The following CPAMD8 variants were observed in gnomAD, a reference collection of about 807,000 sequenced individuals.
CPAMD8 encodes the protein C3 and PZP-like alpha-2-macroglobulin domain-containing protein 8.
A neutral mutation model predicts 224.7 loss-of-function variants in CPAMD8; 146 were observed. That is an observed-to-expected ratio of 0.65 (90% CI 0.57 to 0.75). The LOEUF (loss-of-function observed/expected upper bound fraction) is 0.75. CPAMD8 is among the 30% of genes least tolerant of loss of function. The probability of loss-of-function intolerance (pLI) is 0.00; values close to 1 mark genes in which losing one functional copy is unlikely to be tolerated. For synonymous variants in CPAMD8, 966 were observed against 1,044.6 expected (o/e 0.92, Z 1.45); for missense variants, 2,301 against 2,537.5 (o/e 0.91, Z 2.00).
At chr19:16,905,569 G>GAAAAAAAAAA (rs397955787) in intron 30 of CPAMD8, among the ~76,000 whole-genome samples, 37 of 92,706 alleles carry the variant, frequency 4.0e-4, no homozygotes, top group African/African-American at 8.4e-4. Flanking sequence ...AGGAAGAAAA[G>GAAAAAAAAAA]AAAAAAAAAA....
chr19:17,016,079 G>A (rs1016452962), intron 3 of CPAMD8, among the ~76,000 whole-genome samples: 1 of 152,186 alleles, frequency 6.6e-6, no homozygotes, highest in Non-Finnish European at 1.5e-5. Flanking sequence ...GAGTGGCTGG[G>A]ACTACAGGTG....
intron 22 of CPAMD8, among the ~76,000 whole-genome samples, chr19:16,943,301 C>G (rs147555844): frequency 6.6e-5 from 10 of 152,304 alleles, no homozygotes; most frequent in African/African-American, 2.4e-4. Context: ...TAGGCGTGAG[C>G]CACCGTGCCC....
chr19:16,924,737 T>C (rs1190252814), intron 26 of CPAMD8, among the ~76,000 whole-genome samples: 1 of 152,060 alleles, frequency 6.6e-6, no homozygotes, highest in Admixed American at 6.6e-5. Context: ...TGTGCCACCA[T>C]GTCTGGCTAA....
At position 16,899,458 on chromosome 19, in the gene CPAMD8, A is replaced by AC; in HGVS notation, c.4848+16dup. 1.5e-6 allele frequency: 2 copies of AC among 1,343,106 alleles called. No homozygotes were observed. The highest frequency in any genetic ancestry group is 2.1e-6 in the Non-Finnish European group (2 of 933,710). The allele number at this position is 1,343,106 out of a possible 1,614,324, so 83.2% of individuals were successfully genotyped here. ...CACACCAGGGAAGCCTCCTCCACCA[A>AC]CCCCGGCTGGTGGTACCTCATCAAA... is the stretch of plus-strand genomic sequence containing the variant. On this transcript the variant is annotated intron_variant, in intron 37 of 41. Transcript: ENST00000443236. This position sits in a 1 kb window ranked among gnomAD's most constrained non-coding sequence, Gnocchi z 5.4.
chr19:16,941,293 C>G (rs1286060245), intron 22 of CPAMD8, among the ~76,000 whole-genome samples: 1 of 152,126 alleles, frequency 6.6e-6, no homozygotes, highest in African/African-American at 2.4e-5. Flanking sequence ...AAATGTCCAC[C>G]ATAGGTGAAC....
At chr19:16,914,887 C>CA in intron 27 of CPAMD8, 74 bp from the exon 28 acceptor site, 1 of 1,145,788 alleles carries the variant, frequency 8.7e-7, no homozygotes, top group African/African-American at 1.5e-5. Context: ...GGGATTGCAG[C>CA]AAGCTCCTGG....
intron 41 of CPAMD8, chr19:16,894,971 G>A (rs149005059): frequency 1.5e-3 from 222 of 145,182 alleles, no homozygotes; most frequent in African/African-American, 7.4e-3. Flanking sequence ...CTAGCTGGGC[G>A]TGGTGGTAGT....
chr19:16,989,254 C>T (rs1045689190), intron 13 of CPAMD8, among the ~76,000 whole-genome samples: 4 of 152,152 alleles, frequency 2.6e-5, no homozygotes, highest in African/African-American at 9.7e-5. Context: ...ATCCTTGGTG[C>T]CAAAAAGGCT....
intron 25 of CPAMD8, among the ~76,000 whole-genome samples, chr19:16,926,135 T>A (rs2053350156): frequency 6.6e-6 from 1 of 152,064 alleles, no homozygotes; most frequent in East Asian, 1.9e-4. Flanking sequence ...AAAGTTTCTA[T>A]ATGTATGGAG....
At chr19:16,972,386 G>A (rs2122655576) in intron 17 of CPAMD8, among the ~76,000 whole-genome samples, 1 of 152,070 alleles carries the variant, frequency 6.6e-6, no homozygotes, top group African/African-American at 2.4e-5. Context: ...GGAGCAACTG[G>A]ATTTGAAAGA....
Position 16,914,517 on chromosome 19 carries a change from G to A in CPAMD8, c.3787-19C>T, listed in dbSNP as rs368779407. ...TCCCACCCTGCAAGGGGACTCACAG[G>A]CCTCACCCTAAGCCAAAGGAGACAG... On this transcript the variant is annotated intron_variant, in intron 28 of 41. Coordinates refer to ENST00000443236, the MANE Select transcript of CPAMD8 (RefSeq NM_015692.5). 6.2e-7 allele frequency: 1 copy of A among 1,613,436 alleles called. No individual in the cohort carries two copies. Among genetic ancestry groups the A allele is most frequent in the South Asian group, 1.1e-5 (1 of 91,074 alleles).
rs564899528 is a variant in CPAMD8, at chr19:16,921,825, T to C, written c.3629+80A>G. 8.5e-5 allele frequency: 75 copies of C among 880,560 alleles called. No homozygotes were observed. In the East Asian group the frequency reaches 1.9e-3, roughly 23 times the overall value. 54.5% of individuals were successfully genotyped at this position (880,560 alleles called of 1,614,324 possible). A position where few individuals can be genotyped will look rare whatever the true frequency, so the allele number is the denominator to read the frequency against. On this transcript the variant is annotated intron_variant, in intron 27 of 41. Transcript: ENST00000443236. ...TCCGGGGATCAGGCGCCAAGTGATC[T>C]GGTCACACTGCATTGGATGTGAGGC... is the stretch of plus-strand genomic sequence containing the variant.
At chr19:16,893,425 G>T in intron 41 of CPAMD8, 86 bp from the exon 42 acceptor site, 1 of 942,490 alleles carries the variant, frequency 1.1e-6, no homozygotes, top group Non-Finnish European at 1.5e-6. Flanking sequence ...AGGGCCTGTC[G>T]CTTGTAGGGT....
intron 2 of CPAMD8, among the ~76,000 whole-genome samples, chr19:17,021,211 G>A (rs1287172483): frequency 6.6e-6 from 1 of 152,188 alleles, no homozygotes; most frequent in Non-Finnish European, 1.5e-5. Context: ...AGGGGGAGAA[G>A]CTGGCCAGCA....
rs181643685 is a variant in CPAMD8 at position 16,897,755 on chromosome 19, G to T, written c.5001C>A (p.Leu1667=). ...CGGGTCCGGCGCACAGTTCCCGGGCGAGTGGGCTGTGGGTGCTGACGTTGT... is the reference window on the plus strand; with the variant it reads ...CGGGTCCGGCGCACAGTTCCCGGGCTAGTGGGCTGTGGGTGCTGACGTTGT... The part of the protein sequence containing the change: ...RFYNVSTHSP[L]ARELCAGPAC... The change falls in exon 39 of 42, where the codon CTC becomes CTA. Residue 1667 remains leucine, a synonymous_variant. Transcript: ENST00000443236. The T allele has an allele frequency of 8.0e-5, 126 of 1,582,776 alleles. No individual in the cohort carries two copies. The African/African-American group carries it at 1.6e-3, about 20-fold the overall frequency.
At chr19:16,992,263 A>G (rs1443182525) in intron 12 of CPAMD8, among the ~76,000 whole-genome samples, 3 of 151,928 alleles carry the variant, frequency 2.0e-5, no homozygotes, top group East Asian at 1.9e-4. Flanking sequence ...ACCACCCCCA[A>G]CTAAAGACTC....
chr19:16,967,339 G>C (rs979363567), intron 18 of CPAMD8, among the ~76,000 whole-genome samples: 2 of 150,724 alleles, frequency 1.3e-5, no homozygotes, highest in African/African-American at 4.9e-5. Context: ...GGGCCTGTCG[G>C]GGGGTGGGGG....
rs1430947162 is a variant in CPAMD8 at position 16,914,825 on chromosome 19, C to G, written c.3630-12G>C. 1 of 1,593,996 alleles carries G rather than the reference C, an allele frequency of 6.3e-7. No homozygotes were observed. Among genetic ancestry groups the G allele is most frequent in the Admixed American group, 1.7e-5 (1 of 58,694 alleles). On this transcript the variant is annotated splice_polypyrimidine_tract_variant and intron_variant, in intron 27 of 41. Transcript: ENST00000443236. ...CAAAGGCTGTGAGCCTGAAAGAGGA[C>G]AGGGTGTCAGCTGAGGGGTTGCAGA...
In CPAMD8 at chr19:16,977,498, G is replaced by A. The variant is rs371342420; in HGVS notation, c.1628C>T (p.Thr543Ile). 110 of 1,610,092 alleles carry A rather than the reference G, an allele frequency of 6.8e-5. No individual in the cohort carries two copies. The African/African-American group carries it at 1.4e-3, about 21-fold the overall frequency. The change falls in exon 15 of 42, where the codon ACC becomes ATC. Residue 543 changes from threonine (T) to isoleucine (I), a missense_variant. Coordinates refer to ENST00000443236, the MANE Select transcript of CPAMD8 (RefSeq NM_015692.5). The stretch of plus-strand genomic sequence containing the variant: ...GGGGGTCACGGCCAGATGAAGAGAG[G>A]TCACACACACGTCGACCTCAGCTTC... ...APEAEVDVCV[T>I]SLHLAVTPSM...
Sources: allele counts gnomAD v4.1 joint callset (sites outside exome capture counted in the v4.1 genomes callset), GRCh38; gene constraint gnomAD v4.1.1; non-coding constraint Gnocchi (gnomAD v3.1); transcripts MANE v1.5; gene names NCBI Gene and HGNC (gene_info 2026-07-23, HGNC 2026-07-21).